Variants in FANCM observed in about 807,000 individuals in gnomAD.
The protein encoded by FANCM is FA complementation group M, also known as Fanconi anemia group M protein.
A neutral mutation model predicts 199.5 loss-of-function variants in FANCM; 140 were observed. The observed-to-expected ratio is 0.70, with a 90% confidence interval of 0.61 to 0.81. FANCM has a LOEUF of 0.81. Ranked by LOEUF, FANCM falls within the 30% of genes least tolerant of loss-of-function variation. The probability of loss-of-function intolerance (pLI) is 0.00; values close to 1 mark genes in which losing one functional copy is unlikely to be tolerated. For missense variants in FANCM, 2,410 were observed against 2,421.4 expected (o/e 1.00, Z 0.10); for synonymous variants, 840 against 836.8 (o/e 1.00, Z -0.07).
chr14:45,146,518 C>T (rs1886395747), intron 3 of FANCM, among the ~76,000 whole-genome samples: 1 of 152,080 alleles, frequency 6.6e-6, no homozygotes, highest in South Asian at 2.1e-4. Flanking sequence ...TCTATCCTAT[C>T]TCTGGTTTTC....
At chr14:45,193,462 C>G (rs1212263231) in intron 20 of FANCM, among the ~76,000 whole-genome samples, 1 of 152,186 alleles carries the variant, frequency 6.6e-6, no homozygotes, top group East Asian at 1.9e-4. Flanking sequence ...AACATCTTGC[C>G]AAATCCAGTC....
At chr14:45,141,664 A>G (rs1051914380) in intron 3 of FANCM, among the ~76,000 whole-genome samples, 1 of 145,922 alleles carries the variant, frequency 6.9e-6, no homozygotes, top group African/African-American at 2.6e-5. Flanking sequence ...ACCTTGGCTC[A>G]CTGCAACCTC....
At chr14:45,153,768 C>G in intron 5 of FANCM, 152 bp from the exon 6 acceptor site, 1 of 677,374 alleles carries the variant, frequency 1.5e-6, no homozygotes, top group Non-Finnish European at 2.7e-6. Context: ...ATTTAATAAC[C>G]AATCGGTTAT....
intron 8 of FANCM, among the ~76,000 whole-genome samples, chr14:45,155,694 G>A (rs1212802534): frequency 3.9e-5 from 6 of 152,240 alleles, no homozygotes; most frequent in Admixed American, 1.3e-4. Flanking sequence ...AGCTACTTGG[G>A]AGGCTGAGGT....
At chr14:45,173,347 G>T in intron 13 of FANCM, 137 bp downstream of exon 13, 1 of 761,172 alleles carries the variant, frequency 1.3e-6, no homozygotes, top group Non-Finnish European at 2.3e-6. Context: ...TAAAGAATGA[G>T]TTTTCTGCCT....
In FANCM at chr14:45,167,024, T is replaced by C; in HGVS notation, c.1863T>C (p.Phe621=). 1.2e-6 allele frequency: 2 copies of C among 1,612,014 alleles called. No homozygotes were observed. The highest frequency in any genetic ancestry group is 1.7e-6 in the Non-Finnish European group (2 of 1,178,060). ...AISSNRQVLH[F]YQRSPRMVPD... is the part of the protein sequence containing the mutation. ...CAAGTAACAGGCAGGTCCTTCATTT[T>C]TACCAAAGAAGTCCACGAATGGTTC... Residue 621 remains phenylalanine, a synonymous_variant, in exon 11 of 23, where the codon TTT becomes TTC. Transcript: ENST00000267430.
At chr14:45,162,721 G>A (rs1887690800) in intron 9 of FANCM, among the ~76,000 whole-genome samples, 1 of 152,170 alleles carries the variant, frequency 6.6e-6, no homozygotes, top group African/African-American at 2.4e-5. Flanking sequence ...AGGGTTCATG[G>A]AAGTGTATAT....
intron 4 of FANCM, among the ~76,000 whole-genome samples, chr14:45,149,957 T>C (rs1886701260): frequency 6.6e-6 from 1 of 152,176 alleles, no homozygotes; most frequent in African/African-American, 2.4e-5. Context: ...AAGAATTATC[T>C]GGCTCAAATG....
At chr14:45,157,870 G>A (rs1887307902) in intron 8 of FANCM, among the ~76,000 whole-genome samples, 1 of 152,144 alleles carries the variant, frequency 6.6e-6, no homozygotes, top group South Asian at 2.1e-4. Flanking sequence ...GCGTAGTGCG[G>A]TCCTTGGAAC....
At chr14:45,183,671 A>G (rs1889201600) in intron 16 of FANCM, 103 bp from the exon 17 acceptor site, 1 of 714,976 alleles carries the variant, frequency 1.4e-6, no homozygotes, top group Non-Finnish European at 2.4e-6. Context: ...TATAACATTA[A>G]TATTATGTAT....
At position 45,177,911 on chromosome 14, in the gene FANCM, A is replaced by T. The variant is rs545755052; in HGVS notation, c.4222+935A>T. ...GTATTCAGAAGATTGAGACCAGACC[A>T]CAAAAAATCAGAGAAATCTCTGGGT... On this transcript the variant is annotated intron_variant, in intron 14 of 22. Transcript: ENST00000267430. 1.3e-4 allele frequency among the ~76,000 whole-genome samples: 20 copies of T among 152,344 alleles called. No individual in the cohort carries two copies. In the South Asian group the frequency reaches 4.1e-3, roughly 32 times the overall value.
chr14:45,139,228 TG>T (rs1209039216), intron 2 of FANCM, among the ~76,000 whole-genome samples: 2 of 152,202 alleles, frequency 1.3e-5, no homozygotes, highest in Admixed American at 6.5e-5. Context: ...TAATTTTACT[TG>T]TTTCTGAAGA....
chr14:45,137,605 C>T (rs1885613720), intron 2 of FANCM: 1 of 275,514 alleles, frequency 3.6e-6, no homozygotes, highest in Admixed American at 5.0e-5. Context: ...TGCGGTGTCT[C>T]TTCTTGGCGG....
chr14:45,166,330 G>A (rs1887973944), intron 10 of FANCM, among the ~76,000 whole-genome samples: 1 of 151,776 alleles, frequency 6.6e-6, no homozygotes, highest in Non-Finnish European at 1.5e-5. Flanking sequence ...GTAGAGACGA[G>A]GGTTCACCAT....
chr14:45,188,393 T>G, intron 19 of FANCM, among the ~76,000 whole-genome samples: 1 of 152,228 alleles, frequency 6.6e-6, no homozygotes, highest in Non-Finnish European at 1.5e-5. Context: ...TTCATTTTTT[T>G]TCATAAAAAT....
chr14:45,146,832 CAAAAAA>C (rs762253487), intron 3 of FANCM, among the ~76,000 whole-genome samples: 15 of 42,176 alleles, frequency 3.6e-4, no homozygotes, highest in African/African-American at 1.1e-3. Context: ...GACTCTGTCT[CAAAAAA>C]AAAAAAAAAA....
Position 45,137,241 on chromosome 14 carries a change from G to C in FANCM, c.681G>C (p.Gln227His). ...CTCTCGGAAACTATGCTTATTGCCA[G>C]GTAATAATTTTGTTAAACGGTATTT... Reference protein sequence around the residue: ...HKALGNYAYCQVVRELVKYTN... With the variant: ...HKALGNYAYCHVVRELVKYTN... The change falls in exon 2 of 23, where the codon CAG becomes CAC. Residue 227 changes from glutamine (Q) to histidine (H), a missense_variant and splice_region_variant. Transcript: ENST00000267430. 1.9e-6 allele frequency: 3 copies of C among 1,610,882 alleles called. No homozygotes were observed. The highest frequency in any genetic ancestry group is 2.2e-5 in the South Asian group (2 of 91,056).
chr14:45,164,892 C>G (rs1023267947), intron 10 of FANCM, among the ~76,000 whole-genome samples: 2 of 152,122 alleles, frequency 1.3e-5, no homozygotes, highest in South Asian at 2.1e-4. Flanking sequence ...GTTTAGTTTA[C>G]TTTTCTTTCT....
In FANCM at chr14:45,136,151, G is replaced by A. The variant is rs1885476315; in HGVS notation, c.120G>A (p.Ala40=). ...CTCAGAGCCCTGGCAGCTCCAAGGCGCCTTTGCCAGCAGCAGCGGAGGCTC... is the reference window on the plus strand; with the variant it reads ...CTCAGAGCCCTGGCAGCTCCAAGGCACCTTTGCCAGCAGCAGCGGAGGCTC... ...ERPQSPGSSK[A]PLPAAAEAQL... is the part of the protein sequence containing the mutation. The change falls in exon 1 of 23, where the codon GCG becomes GCA. Residue 40 remains alanine, a synonymous_variant. Transcript: ENST00000267430. 1 of 1,614,180 alleles carries A rather than the reference G, an allele frequency of 6.2e-7. No homozygotes were observed. Among genetic ancestry groups the A allele is most frequent in the Non-Finnish European group, 8.5e-7 (1 of 1,180,050 alleles).
Sources: gnomAD v4.1 joint callset for allele counts (sites outside exome capture counted in the v4.1 genomes callset) on GRCh38, gnomAD v4.1.1 for gene constraint, MANE v1.5 for transcripts, NCBI Gene and HGNC (gene_info 2026-07-23, HGNC 2026-07-21) for gene names.